The following CCDC80 variants were observed in gnomAD, a reference collection of about 807,000 sequenced individuals.
CCDC80 encodes coiled-coil domain containing 80.
CCDC80 carries 49 observed loss-of-function variants against 78.7 expected under a neutral mutation model. That is an observed-to-expected ratio of 0.62 (90% CI 0.50 to 0.79). The LOEUF is 0.79. CCDC80 is among the 30% of genes least tolerant of loss of function. The probability of loss-of-function intolerance (pLI) is 0.00; values close to 1 mark genes in which losing one functional copy is unlikely to be tolerated. For synonymous variants in CCDC80, 488 were observed against 447.0 expected (o/e 1.09, Z -1.16); for missense variants, 1,205 against 1,198.6 (o/e 1.01, Z -0.08).
intron 5 of CCDC80, among the ~76,000 whole-genome samples, chr3:112,613,683 T>C (rs929417489): frequency 6.6e-6 from 1 of 152,142 alleles, no homozygotes; most frequent in African/African-American, 2.4e-5. Flanking sequence ...GCTGCCAGTC[T>C]CACGACAGAT....
chr3:112,632,775 C>T (rs1157647980), intron 2 of CCDC80, among the ~76,000 whole-genome samples: 1 of 152,168 alleles, frequency 6.6e-6, no homozygotes, highest in Non-Finnish European at 1.5e-5. Flanking sequence ...CCAAGAATGC[C>T]TTTAACCACC....
At position 112,639,678 on chromosome 3, in the gene CCDC80, T is replaced by C; in HGVS notation, c.228A>G (p.Arg76=). The C allele has an allele frequency of 1.2e-6, 2 of 1,614,098 alleles. No homozygotes were observed. Among genetic ancestry groups the C allele is most frequent in the Admixed American group, 1.7e-5 (1 of 60,018 alleles). Reference sequence around the variant, plus strand: ...GTCTCAACACGGGCACACTCCTCCTTCTCTGGAGAGGCTGAAGGTTTGGTT... The same window carrying C: ...GTCTCAACACGGGCACACTCCTCCTCCTCTGGAGAGGCTGAAGGTTTGGTT... ...LEEPNLQPLQ[R]RRSVPVLRLA... The change falls in exon 2 of 8, where the codon AGA becomes AGG. Residue 76 remains arginine (R), a synonymous_variant. Transcript: ENST00000206423.
chr3:112,632,185 G>A (rs888954590), intron 2 of CCDC80, among the ~76,000 whole-genome samples: 8 of 151,944 alleles, frequency 5.3e-5, no homozygotes, highest in African/African-American at 1.7e-4. Flanking sequence ...TGATGGGAGC[G>A]CAGATACCAA....
intron 6 of CCDC80, among the ~76,000 whole-genome samples, chr3:112,607,590 C>T (rs367666862): frequency 1.1e-4 from 17 of 151,970 alleles, no homozygotes; most frequent in African/African-American, 3.1e-4. Flanking sequence ...ATAGAGACCA[C>T]CCTGGCTAAC....
At chr3:112,635,149 G>A (rs1313285066) in intron 2 of CCDC80, among the ~76,000 whole-genome samples, 2 of 152,132 alleles carry the variant, frequency 1.3e-5, no homozygotes, top group African/African-American at 4.8e-5. Flanking sequence ...TGCTGTTAGT[G>A]TTTCTGTAAT....
chr3:112,633,006 G>A (rs182487344), intron 2 of CCDC80, among the ~76,000 whole-genome samples: 1 of 152,258 alleles, frequency 6.6e-6, no homozygotes, highest in East Asian at 1.9e-4. Context: ...TGTCATTTCG[G>A]TCCTAGTTCA....
rs550608705 is a variant in CCDC80 at position 112,635,376 on chromosome 3, C to T, written c.1878+2652G>A. On this transcript the variant is annotated intron_variant, in intron 2 of 7. Transcript: ENST00000206423. Reference sequence around the variant, plus strand: ...GCCAGTTGGAGGTAGTTGTTCTCAGCCATACTTAAACAGCTTGAGAGCACT... The same window carrying T: ...GCCAGTTGGAGGTAGTTGTTCTCAGTCATACTTAAACAGCTTGAGAGCACT... Among the ~76,000 whole-genome samples, 12 of 152,264 alleles carry T rather than the reference C, an allele frequency of 7.9e-5. No individual in the cohort carries two copies. The South Asian group carries it at 2.3e-3, about 29-fold the overall frequency.
chr3:112,606,397 T>TG (rs1277298257), intron 7 of CCDC80, among the ~76,000 whole-genome samples: 7 of 142,162 alleles, frequency 4.9e-5, no homozygotes, highest in Admixed American at 3.4e-4. Context: ...TCAAGAGTCT[T>TG]TTTTTGTTTT....
rs1464195534 is a variant in CCDC80 at position 112,597,469 on chromosome 3, T to C, written c.*7948A>G. On this transcript the variant is annotated 3_prime_UTR_variant, in exon 8 of 8. Coordinates refer to ENST00000206423, the MANE Select transcript of CCDC80 (RefSeq NM_199511.3). ...AGCTCAAAGTGCAAGTCTAGGTATA[T>C]TCTCTAGTTTCAATCTTGGTGAAAT... is the stretch of plus-strand genomic sequence containing the variant. 6.6e-6 allele frequency: 1 copy of C among 152,188 alleles called. No individual in the cohort carries two copies. Among genetic ancestry groups the C allele is most frequent in the East Asian group, 1.9e-4 (1 of 5,200 alleles). The allele number at this position is 152,188 out of a possible 1,614,324, so 9.4% of individuals were successfully genotyped here. A position where few individuals can be genotyped will look rare whatever the true frequency, so the allele number is the denominator to read the frequency against.
intron 3 of CCDC80, among the ~76,000 whole-genome samples, chr3:112,620,782 T>C (rs1329552590): frequency 6.6e-6 from 1 of 152,234 alleles, no homozygotes; most frequent in Non-Finnish European, 1.5e-5. Flanking sequence ...ACTAATGTTC[T>C]GATTCTAAGA....
intron 5 of CCDC80, among the ~76,000 whole-genome samples, chr3:112,610,567 A>G (rs1935603404): frequency 6.6e-6 from 1 of 152,212 alleles, no homozygotes; most frequent in South Asian, 2.1e-4. Context: ...AGTGACAGGA[A>G]AAAGGAAAAT....
At chr3:112,622,240 C>G (rs1207567681) in intron 3 of CCDC80, among the ~76,000 whole-genome samples, 2 of 152,146 alleles carry the variant, frequency 1.3e-5, no homozygotes, top group Non-Finnish European at 2.9e-5. Context: ...TTCTTTCAAC[C>G]AAAATATTTT....
At position 112,630,289 on chromosome 3, in the gene CCDC80, A is replaced by G. The variant is rs1380733293; in HGVS notation, c.1879-20T>C. 1 of 1,612,262 alleles carries G rather than the reference A, an allele frequency of 6.2e-7. No homozygotes were observed. The highest frequency in any genetic ancestry group is 1.3e-5 in the African/African-American group (1 of 74,968). ...GATCAGCTGGAGGTGGGTGAAGACA[A>G]ACAAATACTCATTTATAGTGATAGT... On this transcript the variant is annotated intron_variant, in intron 2 of 7. Coordinates refer to ENST00000206423, the MANE Select transcript of CCDC80 (RefSeq NM_199511.3).
rs868832549 is a variant in CCDC80, at chr3:112,639,800, G to A, written c.106C>T (p.Arg36Trp). Residue 36 changes from arginine to tryptophan, a missense_variant, in exon 2 of 8, where the codon CGG becomes TGG. Arg to Trp is a moderately radical substitution (Grantham distance 101, BLOSUM62 -3). Coordinates refer to ENST00000206423, the MANE Select transcript of CCDC80 (RefSeq NM_199511.3). ...HATIRGSHGG[R>W]KVPLVSPDSS... ...TCCGGAGAAACCAAAGGCACTTTCC[G>A]TCCTCCGTGGCTGCCTCTAATAGTG... The A allele has an allele frequency of 1.2e-6, 2 of 1,614,160 alleles. No homozygotes were observed. The highest frequency in any genetic ancestry group is 2.7e-5 in the African/African-American group (2 of 75,018).
intron 5 of CCDC80, among the ~76,000 whole-genome samples, chr3:112,611,731 G>T (rs1200248847): frequency 5.3e-5 from 8 of 152,232 alleles, no homozygotes; most frequent in Non-Finnish European, 1.0e-4. Flanking sequence ...CAACTGTATA[G>T]CGTTGTCTCA....
chr3:112,625,853 A>T (rs957534439), intron 3 of CCDC80, among the ~76,000 whole-genome samples: 4 of 152,150 alleles, frequency 2.6e-5, no homozygotes, highest in African/African-American at 7.2e-5. Context: ...TTGAAAATTT[A>T]AAAAAAGTAT....
intron 5 of CCDC80, among the ~76,000 whole-genome samples, chr3:112,616,249 T>C (rs1935737809): frequency 6.6e-6 from 1 of 152,066 alleles, no homozygotes; most frequent in South Asian, 2.1e-4. Flanking sequence ...TTTTGTTGTT[T>C]CCTGCAGAGT....
In CCDC80 at chr3:112,610,069, C is replaced by G. The variant is rs1478474852; in HGVS notation, c.2334G>C (p.Arg778Ser). ...GAGCAGAGATCACCAGCAACCTCCT[C>G]CTCCACCGGAACCTGGAAAAAAAAA... Reference protein sequence around the residue: ...LENFLSRFRWRRRLLVISAPN... With the variant: ...LENFLSRFRWSRRLLVISAPN... Residue 778 changes from arginine to serine, a missense_variant, in exon 6 of 8, where the codon AGG (arginine) becomes AGC (serine). By Grantham distance (110) the Arg-to-Ser change is moderately radical (BLOSUM62 -1). Transcript: ENST00000206423. 6.2e-7 allele frequency: 1 copy of G among 1,613,484 alleles called. No individual in the cohort carries two copies. Among genetic ancestry groups the G allele is most frequent in the Non-Finnish European group, 8.5e-7 (1 of 1,179,932 alleles).
rs1935341269 is a variant in CCDC80 at position 112,599,653 on chromosome 3, C to T, written c.*5764G>A. 1 of 152,284 alleles carries T rather than the reference C, an allele frequency of 6.6e-6. No homozygotes were observed. Among genetic ancestry groups the T allele is most frequent in the African/African-American group, 2.4e-5 (1 of 41,448 alleles). The allele number at this position is 152,284 out of a possible 1,614,324, so 9.4% of individuals were successfully genotyped here. On this transcript the variant is annotated 3_prime_UTR_variant, in exon 8 of 8. Transcript: ENST00000206423. Reference sequence around the variant, plus strand: ...AAGGGCCCACTGAGGCCATCATTCACCCTACTCTCGGGCTGCTTCCATCCT... The same window carrying T: ...AAGGGCCCACTGAGGCCATCATTCATCCTACTCTCGGGCTGCTTCCATCCT...
Sources: allele counts gnomAD v4.1 joint callset (sites outside exome capture counted in the v4.1 genomes callset), GRCh38; gene constraint gnomAD v4.1.1; transcripts MANE v1.5; gene names NCBI Gene and HGNC (gene_info 2026-07-23, HGNC 2026-07-21).